Variants in BBX observed in about 807,000 individuals in gnomAD.
BBX encodes BBX high mobility group box domain containing.
A neutral mutation model predicts 100.2 loss-of-function variants in BBX; 30 were observed. The ratio of observed to expected loss-of-function variants is 0.30; its 90% confidence interval spans 0.22 to 0.41. The LOEUF (loss-of-function observed/expected upper bound fraction) is 0.41. BBX is among the 10% of genes least tolerant of loss of function. The pLI, the probability that BBX is intolerant of heterozygous loss-of-function variation, is 1.00. For synonymous variants in BBX, 376 were observed against 388.1 expected, an observed-to-expected ratio of 0.97 and a Z score of 0.37; for missense variants, 1,023 against 1,129.8, an observed-to-expected ratio of 0.91 and a Z score of 1.35.
At chr3:107,550,375 T>C (rs1314203214) in intron 2 of BBX, among the ~76,000 whole-genome samples, 1 of 152,186 alleles carries the variant, frequency 6.6e-6, no homozygotes, top group Non-Finnish European at 1.5e-5. Context: ...GGGGAAGTCC[T>C]CATGGAAACT....
chr3:107,623,957 T>G (rs750175436), intron 2 of BBX, among the ~76,000 whole-genome samples: 5 of 152,186 alleles, frequency 3.3e-5, no homozygotes, highest in African/African-American at 4.8e-5. Context: ...AGAATTGACT[T>G]TTAAAACTCA....
intron 12 of BBX, among the ~76,000 whole-genome samples, chr3:107,777,402 C>T (rs2067410241): frequency 6.6e-6 from 1 of 152,138 alleles, no homozygotes; most frequent in African/African-American, 2.4e-5. Context: ...TTTTAGGACA[C>T]CCCTTAGCTA....
chr3:107,587,330 G>T, intron 2 of BBX, among the ~76,000 whole-genome samples: 1 of 133,422 alleles, frequency 7.5e-6, no homozygotes, highest in African/African-American at 2.9e-5. Flanking sequence ...CTGGTTGACT[G>T]AGAGACCCTG....
intron 2 of BBX, among the ~76,000 whole-genome samples, chr3:107,600,218 A>G (rs2053969042): frequency 6.6e-6 from 1 of 152,240 alleles, no homozygotes; most frequent in African/African-American, 2.4e-5. Context: ...GTTTTTATTC[A>G]GTAGTCAGAG....
intron 12 of BBX, chr3:107,776,237 C>A (rs780885259): frequency 2.6e-5 from 4 of 152,156 alleles, no homozygotes; most frequent in African/African-American, 4.8e-5. Flanking sequence ...AGAAGCATTT[C>A]TCTGATGCTT....
chr3:107,782,405 A>G (rs751459207), intron 13 of BBX, among the ~76,000 whole-genome samples: 2 of 152,104 alleles, frequency 1.3e-5, no homozygotes, highest in Non-Finnish European at 2.9e-5. Context: ...TTATATATAT[A>G]CACATATATA....
intron 11 of BBX, among the ~76,000 whole-genome samples, chr3:107,774,292 C>T (rs2067141460): frequency 6.6e-6 from 1 of 152,166 alleles, no homozygotes; most frequent in Non-Finnish European, 1.5e-5. Context: ...TATATTCCAA[C>T]AAGACATGTG....
chr3:107,721,803 T>C (rs2062559610), intron 5 of BBX, among the ~76,000 whole-genome samples: 1 of 152,010 alleles, frequency 6.6e-6, no homozygotes, highest in South Asian at 2.1e-4. Context: ...GCCACATCTG[T>C]AAAATGGCAA....
intron 2 of BBX, among the ~76,000 whole-genome samples, chr3:107,603,680 C>T (rs1186823849): frequency 1.3e-5 from 2 of 152,012 alleles, no homozygotes; most frequent in Non-Finnish European, 2.9e-5. Flanking sequence ...ACCCGGCCTC[C>T]TTGTCATCTT....
intron 3 of BBX, among the ~76,000 whole-genome samples, chr3:107,692,674 T>G (rs1482402644): frequency 1.3e-5 from 2 of 151,212 alleles, no homozygotes; most frequent in East Asian, 4.0e-4. Context: ...GCATGTGTCT[T>G]TATAGCAGCA....
At chr3:107,562,073 C>A (rs769169695) in intron 2 of BBX, among the ~76,000 whole-genome samples, 10 of 152,272 alleles carry the variant, frequency 6.6e-5, no homozygotes, top group Non-Finnish European at 1.5e-4. Context: ...TGCTCTATGC[C>A]ATTTCCTATT....
At chr3:107,593,472 C>T (rs1457351182) in intron 2 of BBX, among the ~76,000 whole-genome samples, 1 of 152,180 alleles carries the variant, frequency 6.6e-6, no homozygotes, top group Non-Finnish European at 1.5e-5. Context: ...CAATGGAAAC[C>T]TTGAAGGATT....
intron 2 of BBX, among the ~76,000 whole-genome samples, chr3:107,569,990 A>G (rs1321626068): frequency 6.6e-6 from 1 of 152,190 alleles, no homozygotes; most frequent in Non-Finnish European, 1.5e-5. Context: ...CTGCCAGGCA[A>G]GTTGGACAGT....
intron 10 of BBX, among the ~76,000 whole-genome samples, chr3:107,771,502 G>A (rs1296503513): frequency 6.6e-6 from 1 of 152,114 alleles, no homozygotes; most frequent in Non-Finnish European, 1.5e-5. Context: ...TTATACAGTA[G>A]ATACATATTA....
intron 15 of BBX, 35 bp downstream of exon 15, chr3:107,791,334 C>A: frequency 1.3e-6 from 2 of 1,569,320 alleles, no homozygotes; most frequent in East Asian, 2.2e-5. Flanking sequence ...TTGAGACAAT[C>A]GGAGCTGGAA....
chr3:107,541,726 T>C (rs2048880135), intron 2 of BBX, among the ~76,000 whole-genome samples: 1 of 152,194 alleles, frequency 6.6e-6, no homozygotes, highest in Admixed American at 6.5e-5. Context: ...TGATTTGATA[T>C]TCAGATACCT....
intron 2 of BBX, among the ~76,000 whole-genome samples, chr3:107,558,994 C>A (rs923325692): frequency 9.2e-5 from 14 of 152,106 alleles, no homozygotes; most frequent in African/African-American, 3.4e-4. Context: ...ATGTGAGAGG[C>A]TTTTTAGGCA....
chr3:107,798,724 A>G lies in BBX; in HGVS notation c.2551+4A>G, dbSNP rs1402468657. 6.2e-7 allele frequency: 1 copy of G among 1,613,632 alleles called. No individual in the cohort carries two copies. The highest frequency in any genetic ancestry group is 8.5e-7 in the Non-Finnish European group (1 of 1,179,764). ...TCACCAGCAGGAGGTACTTTGGGTAAGAAGAGAGAGCTTTAGACCAGAGGT... is the reference window on the plus strand; with the variant it reads ...TCACCAGCAGGAGGTACTTTGGGTAGGAAGAGAGAGCTTTAGACCAGAGGT... On this transcript the variant is annotated splice_donor_region_variant and intron_variant, in intron 16 of 17. Transcript: ENST00000325805.
At chr3:107,717,089 A>T (rs1408203055) in intron 5 of BBX, among the ~76,000 whole-genome samples, 1 of 152,110 alleles carries the variant, frequency 6.6e-6, no homozygotes, top group African/African-American at 2.4e-5. Context: ...GTTTTTTCTC[A>T]TTGTCTATAC....
Sources: allele counts gnomAD v4.1 joint callset (sites outside exome capture counted in the v4.1 genomes callset), GRCh38; gene constraint gnomAD v4.1.1; transcripts MANE v1.5; gene names NCBI Gene and HGNC (gene_info 2026-07-23, HGNC 2026-07-21).